Variants in GRM5 observed in about 807,000 individuals in gnomAD.
GRM5 encodes glutamate metabotropic receptor 5.
A neutral mutation model predicts 83.1 loss-of-function variants in GRM5; 19 were observed. That is an observed-to-expected ratio of 0.23 (90% confidence interval 0.16 to 0.34). The LOEUF is 0.34. Among genes scored for constraint, GRM5 ranks in the 10% least tolerant of loss-of-function variants. GRM5 has a pLI of 1.00. For missense variants in GRM5, 1,160 were observed against 1,588.3 expected, an observed-to-expected ratio of 0.73 and a Z score of 4.58; for synonymous variants, 675 against 633.6, an observed-to-expected ratio of 1.07 and a Z score of -0.98.
chr11:88,935,582 T>C (rs1937864686), intron 2 of GRM5, among the ~76,000 whole-genome samples: 1 of 151,850 alleles, frequency 6.6e-6, no homozygotes, highest in Admixed American at 6.6e-5. Flanking sequence ...AGGTGTAAAC[T>C]TCCCCCATTA....
At chr11:89,039,887 A>T (rs1941488123) in intron 2 of GRM5, among the ~76,000 whole-genome samples, 1 of 152,108 alleles carries the variant, frequency 6.6e-6, no homozygotes, top group Admixed American at 6.5e-5. Flanking sequence ...TTCAGCCTCA[A>T]CCTCTTGTCC....
At chr11:88,998,151 T>C (rs1005261929) in intron 2 of GRM5, among the ~76,000 whole-genome samples, 22 of 150,664 alleles carry the variant, frequency 1.5e-4, no homozygotes, top group Non-Finnish European at 1.9e-4. Context: ...AGGGAGAAAC[T>C]ACCTTGCAAA....
At chr11:88,745,348 AG>A (rs1942115157) in intron 3 of GRM5, among the ~76,000 whole-genome samples, 1 of 150,622 alleles carries the variant, frequency 6.6e-6, no homozygotes, top group Non-Finnish European at 1.5e-5. Flanking sequence ...ATGGGACTAC[AG>A]GCACGTGCCA....
At chr11:88,809,769 C>CA (rs5793350) in intron 3 of GRM5, among the ~76,000 whole-genome samples, 69,167 of 146,726 alleles carry the variant, frequency 0.47, 18,078 homozygotes, top group East Asian at 0.76. Flanking sequence ...GTTAATATGT[C>CA]AAAAAAAAAA....
At chr11:88,980,977 C>T (rs548819849) in intron 2 of GRM5, among the ~76,000 whole-genome samples, 31 of 151,328 alleles carry the variant, frequency 2.0e-4, no homozygotes, top group Admixed American at 7.3e-4. Flanking sequence ...ACTATTTCTA[C>T]AACTTTTCTT....
chr11:88,615,312 G>T (rs1324226408), intron 4 of GRM5, among the ~76,000 whole-genome samples: 1 of 152,060 alleles, frequency 6.6e-6, no homozygotes, highest in Admixed American at 6.6e-5. Flanking sequence ...AATACCAGAA[G>T]AGAACAAATA....
intron 2 of GRM5, among the ~76,000 whole-genome samples, chr11:88,880,971 C>T (rs1157900294): frequency 1.3e-5 from 2 of 151,962 alleles, no homozygotes; most frequent in Admixed American, 6.6e-5. Context: ...AAGAAGGACA[C>T]AACACTGACC....
chr11:88,786,216 C>T (rs991076908), intron 3 of GRM5, among the ~76,000 whole-genome samples: 5 of 151,944 alleles, frequency 3.3e-5, no homozygotes, highest in Non-Finnish European at 7.4e-5. Context: ...ATGGAGGTAA[C>T]ACTGGGCATG....
At chr11:88,574,312 G>A (rs1343179104) in intron 7 of GRM5, among the ~76,000 whole-genome samples, 1 of 152,092 alleles carries the variant, frequency 6.6e-6, no homozygotes, top group African/African-American at 2.4e-5. Flanking sequence ...GCCTTTAGAA[G>A]TCCCAAGTTA....
intron 8 of GRM5, among the ~76,000 whole-genome samples, chr11:88,554,716 G>A (rs1942585578): frequency 6.6e-6 from 1 of 152,106 alleles, no homozygotes; most frequent in Non-Finnish European, 1.5e-5. Context: ...TAATCTTTTG[G>A]ATTGGACATT....
chr11:89,064,888 C>CTCTCTCTCTCTGTGTGTGTGTG (rs1218318990), intron 1 of GRM5, among the ~76,000 whole-genome samples: 4 of 62,210 alleles, frequency 6.4e-5, no homozygotes, highest in African/African-American at 2.8e-4. Flanking sequence ...CTCTCTCTCT[C>CTCTCTCTCTCTGTGTGTGTGTG]TGTGTGTGTG....
At chr11:88,932,116 G>T (rs1214402271) in intron 2 of GRM5, among the ~76,000 whole-genome samples, 1 of 151,992 alleles carries the variant, frequency 6.6e-6, no homozygotes, top group African/African-American at 2.4e-5. Context: ...ACCAGCATGG[G>T]ATTACTGAGT....
At chr11:89,024,449 T>C (rs1306576930) in intron 2 of GRM5, among the ~76,000 whole-genome samples, 1 of 152,236 alleles carries the variant, frequency 6.6e-6, no homozygotes, top group Non-Finnish European at 1.5e-5. Flanking sequence ...TCTGATCATC[T>C]ACCAAATTAA....
chr11:88,992,168 A>G (rs968804654), intron 2 of GRM5, among the ~76,000 whole-genome samples: 3 of 152,238 alleles, frequency 2.0e-5, no homozygotes, highest in Admixed American at 6.5e-5. Flanking sequence ...ACAAATTTAC[A>G]AGAAAGAAAC....
chr11:88,880,214 A>T (rs1944929551), intron 2 of GRM5, among the ~76,000 whole-genome samples: 1 of 152,166 alleles, frequency 6.6e-6, no homozygotes, highest in South Asian at 2.1e-4. Context: ...GAAAAGGAGC[A>T]TGAAATAAAG....
chr11:88,761,565 A>G (rs1942515892), intron 3 of GRM5, among the ~76,000 whole-genome samples: 1 of 152,130 alleles, frequency 6.6e-6, no homozygotes, highest in African/African-American at 2.4e-5. Flanking sequence ...ACACAAACAA[A>G]TGAAAAATCA....
At chr11:88,704,385 G>A (rs1353516871) in intron 3 of GRM5, among the ~76,000 whole-genome samples, 1 of 151,960 alleles carries the variant, frequency 6.6e-6, no homozygotes, top group East Asian at 1.9e-4. Context: ...TCTCCATTGA[G>A]ACCACACTCT....
intron 4 of GRM5, among the ~76,000 whole-genome samples, chr11:88,608,701 TA>T (rs1938236483): frequency 6.6e-6 from 1 of 151,960 alleles, no homozygotes; most frequent in Admixed American, 6.6e-5. Context: ...TTTGTATTTT[TA>T]GTAGAGACGG....
intron 2 of GRM5, among the ~76,000 whole-genome samples, chr11:88,934,892 C>T (rs1478643046): frequency 3.3e-5 from 5 of 151,764 alleles, no homozygotes; most frequent in African/African-American, 4.8e-5. Context: ...AACAGGCCGT[C>T]AATAGACAAT....
Sources: gnomAD v4.1 joint callset for allele counts (sites outside exome capture counted in the v4.1 genomes callset) on GRCh38, gnomAD v4.1.1 for gene constraint, MANE v1.5 for transcripts, NCBI Gene and HGNC (gene_info 2026-07-23, HGNC 2026-07-21) for gene names.